The following FAF1 variants were observed in gnomAD, a reference collection of about 807,000 sequenced individuals.
The protein encoded by FAF1 is Fas associated factor 1, also known as FAS-associated factor 1.
FAF1 carries 25 observed loss-of-function variants against 92.5 expected under a neutral mutation model. The ratio of observed to expected loss-of-function variants is 0.27; its 90% CI spans 0.20 to 0.38. FAF1 has a LOEUF of 0.38. Ranked by LOEUF, FAF1 falls within the 10% of genes least tolerant of loss-of-function variation. The pLI is 1.00. For synonymous variants in FAF1, 234 were observed against 273.2 expected, an observed-to-expected ratio of 0.86 and a Z score of 1.42; for missense variants, 636 against 793.3, an observed-to-expected ratio of 0.80 and a Z score of 2.38.
intron 17 of FAF1, among the ~76,000 whole-genome samples, chr1:50,481,308 C>G (rs973032978): frequency 2.6e-5 from 4 of 152,160 alleles, no homozygotes; most frequent in Non-Finnish European, 5.9e-5. Flanking sequence ...CTGAGTCACC[C>G]AGAGCAACTT....
intron 18 of FAF1, among the ~76,000 whole-genome samples, chr1:50,472,337 G>A (rs1188615105): frequency 6.8e-6 from 1 of 146,832 alleles, no homozygotes; most frequent in Non-Finnish European, 1.5e-5. Flanking sequence ...CCTTCTCTTA[G>A]TAACTGTTAT....
intron 18 of FAF1, among the ~76,000 whole-genome samples, chr1:50,443,232 G>A (rs1247705765): frequency 6.6e-6 from 1 of 152,200 alleles, no homozygotes; most frequent in African/African-American, 2.4e-5. Context: ...GTGCTAGGAA[G>A]CAAAAGAGGA....
At chr1:50,850,803 C>T (rs757833022) in intron 2 of FAF1, among the ~76,000 whole-genome samples, 5 of 151,940 alleles carry the variant, frequency 3.3e-5, no homozygotes. Context: ...TTTTAAAAAA[C>T]TGACAGTATG....
In FAF1 at chr1:50,835,823, C is replaced by T. The variant is rs1328743515; in HGVS notation, c.114+22106G>A. Among the ~76,000 whole-genome samples the T allele has an allele frequency of 2.6e-5, 4 of 152,180 alleles. No homozygotes were observed. The South Asian group carries it at 8.3e-4, about 32-fold the overall frequency. Reference sequence around the variant, plus strand: ...GAGTATAGTAATTGTAGGATGGCTTCCAGATATGCGACTGGTCTATTTGGG... The same window carrying T: ...GAGTATAGTAATTGTAGGATGGCTTTCAGATATGCGACTGGTCTATTTGGG... On this transcript the variant is annotated intron_variant, in intron 2 of 18. Transcript: ENST00000396153.
At chr1:50,784,848 A>G (rs1661304156) in intron 4 of FAF1, among the ~76,000 whole-genome samples, 1 of 152,198 alleles carries the variant, frequency 6.6e-6, no homozygotes, top group South Asian at 2.1e-4. Flanking sequence ...CTAATAGAAC[A>G]AAACTGAAAT....
chr1:50,750,924 G>A (rs1350518720), intron 4 of FAF1, among the ~76,000 whole-genome samples: 1 of 150,546 alleles, frequency 6.6e-6, no homozygotes, highest in Non-Finnish European at 1.5e-5. Context: ...CACCTGGCCA[G>A]ATTTATCCAT....
chr1:50,468,486 G>C (rs1469554165), intron 18 of FAF1, among the ~76,000 whole-genome samples: 1 of 144,242 alleles, frequency 6.9e-6, no homozygotes, highest in Admixed American at 7.0e-5. Flanking sequence ...TTGAGATGGA[G>C]TCTCACTCTG....
intron 18 of FAF1, among the ~76,000 whole-genome samples, chr1:50,446,695 A>G (rs1646231152): frequency 6.6e-6 from 1 of 152,202 alleles, no homozygotes; most frequent in Admixed American, 6.5e-5. Flanking sequence ...GATCTTTTAC[A>G]TTTAATATTT....
intron 8 of FAF1, among the ~76,000 whole-genome samples, chr1:50,640,523 T>C (rs1654274522): frequency 6.6e-6 from 1 of 152,136 alleles, no homozygotes; most frequent in Non-Finnish European, 1.5e-5. Flanking sequence ...CTCGATCTCC[T>C]GACCTTGTGA....
At chr1:50,942,994 A>G (rs1269801806) in intron 1 of FAF1, among the ~76,000 whole-genome samples, 1 of 152,210 alleles carries the variant, frequency 6.6e-6, no homozygotes, top group Non-Finnish European at 1.5e-5. Flanking sequence ...CTAGTCTGGT[A>G]GCAATATAAC....
intron 1 of FAF1, among the ~76,000 whole-genome samples, chr1:50,929,081 A>AT (rs1030239535): frequency 1.7e-5 from 1 of 59,194 alleles, no homozygotes; most frequent in Non-Finnish European, 3.0e-5. Context: ...CAAAAAAAAA[A>AT]AAAAAAAAGA....
At chr1:50,834,571 A>G (rs550286866) in intron 2 of FAF1, among the ~76,000 whole-genome samples, 57 of 152,368 alleles carry the variant, frequency 3.7e-4, no homozygotes, top group African/African-American at 1.4e-3. Flanking sequence ...AGTATGGCAA[A>G]TAAGTGGCAG....
intron 2 of FAF1, among the ~76,000 whole-genome samples, chr1:50,851,037 T>G (rs546299183): frequency 6.6e-6 from 1 of 152,036 alleles, no homozygotes; most frequent in East Asian, 1.9e-4. Flanking sequence ...CAGTACACAG[T>G]GCATCTGATT....
At chr1:50,469,796 C>T (rs1257170795) in intron 18 of FAF1, among the ~76,000 whole-genome samples, 1 of 152,002 alleles carries the variant, frequency 6.6e-6, no homozygotes. Flanking sequence ...AGTTTAGAGG[C>T]AAAATTAATG....
chr1:50,905,088 C>G (rs1012958664), intron 1 of FAF1, among the ~76,000 whole-genome samples: 11 of 152,080 alleles, frequency 7.2e-5, no homozygotes, highest in African/African-American at 2.7e-4. Context: ...ACCCTGTGTC[C>G]AAGTGTTCTC....
intron 4 of FAF1, among the ~76,000 whole-genome samples, chr1:50,753,566 T>C (rs914925737): frequency 1.3e-5 from 2 of 152,204 alleles, no homozygotes; most frequent in African/African-American, 4.8e-5. Flanking sequence ...AGTTTACCAG[T>C]ATTTTCTTCA....
chr1:50,834,237 C>A (rs879003820), intron 2 of FAF1, among the ~76,000 whole-genome samples: 1 of 152,208 alleles, frequency 6.6e-6, no homozygotes, highest in Non-Finnish European at 1.5e-5. Context: ...GCCTCCCCAG[C>A]CATGTTTCCT....
At chr1:50,862,098 A>C (rs576950634) in intron 1 of FAF1, among the ~76,000 whole-genome samples, 1 of 150,276 alleles carries the variant, frequency 6.7e-6, no homozygotes. Flanking sequence ...ACCCACAGAA[A>C]GCAACGAAAA....
chr1:50,838,894 A>G (rs923993412), intron 2 of FAF1, among the ~76,000 whole-genome samples: 2 of 152,270 alleles, frequency 1.3e-5, no homozygotes, highest in South Asian at 2.1e-4. Flanking sequence ...TTCTTTATAC[A>G]CTAACACTGG....
Sources: allele counts gnomAD v4.1 joint callset (sites outside exome capture counted in the v4.1 genomes callset), GRCh38; gene constraint gnomAD v4.1.1; transcripts MANE v1.5; gene names NCBI Gene and HGNC (gene_info 2026-07-23, HGNC 2026-07-21).